TBCA: variants seen among roughly 807,000 people sequenced by gnomAD.
The protein encoded by TBCA is tubulin folding cofactor A.
In TBCA, 6 loss-of-function variants were observed where a neutral mutation model predicts 15.8. The observed-to-expected ratio is 0.38, with a 90% CI of 0.21 to 0.75. TBCA has a LOEUF of 0.75. Among genes scored for constraint, TBCA ranks in the 30% least tolerant of loss-of-function variants. TBCA has a pLI of 0.46. For missense variants in TBCA, 90 were observed against 131.2 expected (o/e 0.69, Z 1.53); for synonymous variants, 32 against 42.3 (o/e 0.76, Z 0.94).
intron 2 of TBCA, among the ~76,000 whole-genome samples, chr5:77,695,952 C>G (rs1007442745): frequency 4.6e-5 from 7 of 152,136 alleles, no homozygotes; most frequent in Non-Finnish European, 8.8e-5. Flanking sequence ...TAGCAAGGTT[C>G]AGGTTATAAC....
At chr5:77,733,663 A>C (rs1355031031) in intron 1 of TBCA, among the ~76,000 whole-genome samples, 3 of 152,244 alleles carry the variant, frequency 2.0e-5, no homozygotes, top group Non-Finnish European at 4.4e-5. Flanking sequence ...AAAAGAAGAC[A>C]TCTCCATAAC....
At chr5:77,740,093 G>A (rs1580120328) in intron 1 of TBCA, among the ~76,000 whole-genome samples, 1 of 152,122 alleles carries the variant, frequency 6.6e-6, no homozygotes, top group Admixed American at 6.6e-5. Flanking sequence ...CAGCATTCTA[G>A]GTGCTAAGAA....
At chr5:77,702,238 A>G (rs352552) in intron 2 of TBCA, among the ~76,000 whole-genome samples, 147,134 of 152,210 alleles carry the variant, frequency 0.97, 71,412 homozygotes, top group African/African-American at 0.99. Context: ...GTACATGAAC[A>G]TTCACAGCAG....
chr5:77,763,188 G>A (rs1422694459), intron 1 of TBCA, among the ~76,000 whole-genome samples: 2 of 152,140 alleles, frequency 1.3e-5, no homozygotes, highest in Admixed American at 6.5e-5. Flanking sequence ...AGCTTGCAGT[G>A]AGTCGAGATT....
intron 1 of TBCA, among the ~76,000 whole-genome samples, chr5:77,723,262 A>G (rs1746563623): frequency 6.6e-6 from 1 of 151,922 alleles, no homozygotes; most frequent in South Asian, 2.1e-4. Flanking sequence ...CTTATAAAGT[A>G]TTACAATTTT....
At chr5:77,732,333 G>GT (rs1238085488) in intron 1 of TBCA, among the ~76,000 whole-genome samples, 2 of 151,876 alleles carry the variant, frequency 1.3e-5, no homozygotes, top group Non-Finnish European at 2.9e-5. Flanking sequence ...TTGGATTTTT[G>GT]TTTTTTTATT....
At chr5:77,721,642 C>T (rs1016145148) in intron 1 of TBCA, among the ~76,000 whole-genome samples, 2 of 152,030 alleles carry the variant, frequency 1.3e-5, no homozygotes, top group South Asian at 2.1e-4. Flanking sequence ...TAAAAAACTA[C>T]GTTATAAGTC....
At chr5:77,714,198 T>C (rs918340713) in intron 1 of TBCA, among the ~76,000 whole-genome samples, 1 of 152,030 alleles carries the variant, frequency 6.6e-6, no homozygotes, top group Admixed American at 6.5e-5. Context: ...CAGGTGCCTG[T>C]AATCCCAGCT....
At chr5:77,732,550 C>CAAAA (rs35780694) in intron 1 of TBCA, among the ~76,000 whole-genome samples, 39 of 89,502 alleles carry the variant, frequency 4.4e-4, no homozygotes, top group African/African-American at 1.3e-3. Flanking sequence ...GACTCTGTCT[C>CAAAA]AAAAAAAAAA....
intron 2 of TBCA, 109 bp downstream of exon 2, chr5:77,708,133 A>T: frequency 1.4e-6 from 1 of 702,848 alleles, no homozygotes; most frequent in Non-Finnish European, 2.3e-6. Flanking sequence ...TTTAATAGTA[A>T]AGAAGTAAAT....
At chr5:77,744,978 T>C (rs1298417347) in intron 1 of TBCA, among the ~76,000 whole-genome samples, 2 of 152,244 alleles carry the variant, frequency 1.3e-5, no homozygotes, top group Non-Finnish European at 2.9e-5. Flanking sequence ...TTTGGGTACA[T>C]TACTTAAACT....
At chr5:77,763,815 G>GCT (rs2112511183) in intron 1 of TBCA, among the ~76,000 whole-genome samples, 1 of 152,276 alleles carries the variant, frequency 6.6e-6, no homozygotes, top group South Asian at 2.1e-4. Context: ...TGTTAGGGCA[G>GCT]CTTGAACTAA....
intron 1 of TBCA, among the ~76,000 whole-genome samples, chr5:77,775,845 A>T (rs992651394): frequency 2.0e-5 from 3 of 152,188 alleles, no homozygotes; most frequent in Non-Finnish European, 4.4e-5. Context: ...CAAGTTCAGC[A>T]AGGAGAGGCC....
chr5:77,703,864 G>A (rs1015443114), intron 2 of TBCA, among the ~76,000 whole-genome samples: 4 of 152,158 alleles, frequency 2.6e-5, no homozygotes, highest in Non-Finnish European at 5.9e-5. Flanking sequence ...ACATGTTAGG[G>A]AGGGACCTGG....
intron 3 of TBCA, chr5:77,692,237 T>A (rs1200589648): frequency 2.0e-6 from 2 of 985,270 alleles, no homozygotes; most frequent in East Asian, 2.3e-4. Context: ...GTAGAGGAAA[T>A]AAAGTATGTG....
intron 1 of TBCA, among the ~76,000 whole-genome samples, chr5:77,722,811 G>A (rs1172326929): frequency 6.6e-6 from 1 of 151,492 alleles, no homozygotes; most frequent in Non-Finnish European, 1.5e-5. Flanking sequence ...AAACTATTCT[G>A]TTCAAAATTT....
chr5:77,701,451 A>C (rs879796722), intron 2 of TBCA, among the ~76,000 whole-genome samples: 1 of 151,904 alleles, frequency 6.6e-6, no homozygotes, highest in Non-Finnish European at 1.5e-5. Context: ...AACAACTTCT[A>C]CACTGCTGCT....
At chr5:77,762,637 T>C (rs1192443340) in intron 1 of TBCA, among the ~76,000 whole-genome samples, 2 of 152,210 alleles carry the variant, frequency 1.3e-5, no homozygotes, top group South Asian at 4.1e-4. Context: ...ACTCAAAAAG[T>C]ATTATTATTG....
At chr5:77,750,140 CTATA>C (rs142408022) in intron 1 of TBCA, among the ~76,000 whole-genome samples, 1 of 134,010 alleles carries the variant, frequency 7.5e-6, no homozygotes, top group Non-Finnish European at 1.7e-5. Flanking sequence ...TGCTCTCTCT[CTATA>C]TATATAGAGA....
Sources: allele counts gnomAD v4.1 joint callset (sites outside exome capture counted in the v4.1 genomes callset), GRCh38; gene constraint gnomAD v4.1.1; transcripts MANE v1.5; gene names NCBI Gene and HGNC (gene_info 2026-07-23, HGNC 2026-07-21).